Variants in LPAR4 observed in about 807,000 individuals in gnomAD.
The protein encoded by LPAR4 is lysophosphatidic acid receptor 4.
In LPAR4, 14 loss-of-function variants were observed where a neutral mutation model predicts 9.2. The observed-to-expected ratio is 1.51, with a 90% confidence interval of 1.00 to 2.37. LPAR4 has a LOEUF of 2.37. LPAR4 is among the 30% of genes most tolerant of loss of function. The probability of loss-of-function intolerance (pLI) is 0.00; values close to 1 mark genes in which losing one functional copy is unlikely to be tolerated. For missense variants in LPAR4, 251 were observed against 272.1 expected (o/e 0.92, Z 0.55); for synonymous variants, 131 against 97.9 (o/e 1.34, Z -1.99).
At chrX:78,748,922 T>A (rs1043228713) in intron 1 of LPAR4, 10 of 111,818 alleles carry the variant, frequency 8.9e-5, no homozygotes, top group Non-Finnish European at 1.7e-4. Context: ...CAACATCATA[T>A]CCCATCAACA....
At position 78,757,586 on chromosome X, in the gene LPAR4, A is replaced by T. The variant is rs1161416931; in HGVS notation, c.*1604A>T. Among the ~76,000 whole-genome samples, 1 of 111,843 alleles carries T rather than the reference A, an allele frequency of 8.9e-6. No homozygotes were observed. The highest frequency in any genetic ancestry group is 2.8e-4 in the East Asian group (1 of 3,608). ...CTTACTAGTTTTTAAACTAAAGTGGATATTTAAGAATATTAGAACTTGTAA... is the reference window on the plus strand; with the variant it reads ...CTTACTAGTTTTTAAACTAAAGTGGTTATTTAAGAATATTAGAACTTGTAA... On this transcript the variant is annotated 3_prime_UTR_variant, in exon 5 of 5. Transcript: ENST00000614823.
intron 1 of LPAR4, chrX:78,749,228 G>A (rs1183809509): frequency 8.9e-6 from 1 of 111,905 alleles, no homozygotes; most frequent in African/African-American, 3.2e-5. Context: ...TGCCCTTGCT[G>A]TGGTTTGTTC....
chrX:78,752,072 A>G (rs1925086672), intron 4 of LPAR4, among the ~76,000 whole-genome samples: 1 of 111,447 alleles, frequency 9.0e-6, no homozygotes, highest in South Asian at 3.8e-4. Flanking sequence ...GGCCCATATC[A>G]GTTTCCTGTT....
In LPAR4 at chrX:78,757,651, A is replaced by G. The variant is rs1390308869; in HGVS notation, c.*1669A>G. 8.9e-6 allele frequency among the ~76,000 whole-genome samples: 1 copy of G among 111,757 alleles called. No individual in the cohort carries two copies. Among genetic ancestry groups the G allele is most frequent in the Non-Finnish European group, 1.9e-5 (1 of 53,032 alleles). On this transcript the variant is annotated 3_prime_UTR_variant, in exon 5 of 5. Coordinates refer to ENST00000614823, the MANE Select transcript of LPAR4 (RefSeq NM_001278000.3). ...CTTGAAAGATGCTACATTTGTGCTC[A>G]AGTCAGGAGCAGTGGAAATAAACCC...
Position 78,754,850 on chromosome X carries a change from G to T in LPAR4, c.-20G>T, listed in dbSNP as rs768179032. 2.1e-5 allele frequency: 25 copies of T among 1,167,550 alleles called. No individual in the cohort carries two copies. Among genetic ancestry groups the T allele is most frequent in the Non-Finnish European group, 2.9e-5 (25 of 873,786 alleles). ...AGTGGTGAACCCCTGCAGCCAGCAG[G>T]CCTCCTGAAAAAAAAGTCCATGGGT... On this transcript the variant is annotated 5_prime_UTR_variant, in exon 5 of 5. Coordinates refer to ENST00000614823, the MANE Select transcript of LPAR4 (RefSeq NM_001278000.3).
chrX:78,755,788 G>T lies in LPAR4; in HGVS notation c.919G>T (p.Asp307Tyr), dbSNP rs1925268548. Residue 307 changes from aspartate (D) to tyrosine (Y), a missense_variant, in exon 5 of 5, where the codon GAC becomes TAC. By Grantham distance (160) the Asp-to-Tyr change is radical (BLOSUM62 -3). Coordinates refer to ENST00000614823, the MANE Select transcript of LPAR4 (RefSeq NM_001278000.3). ...LCLATLNCCF[D>Y]PFIYYFTLES... ...CCTTGCAACTCTGAACTGTTGTTTT[G>T]ACCCTTTCATCTATTACTTCACCCT... 1 of 1,206,729 alleles carries T rather than the reference G, an allele frequency of 8.3e-7. No homozygotes were observed. Among genetic ancestry groups the T allele is most frequent in the African/African-American group, 1.8e-5 (1 of 56,943 alleles).
intron 4 of LPAR4, among the ~76,000 whole-genome samples, chrX:78,753,832 C>T (rs1185711688): frequency 9.0e-6 from 1 of 111,702 alleles, no homozygotes; most frequent in Non-Finnish European, 1.9e-5. Flanking sequence ...TAAGTCCCAG[C>T]GCCACACCCT....
At chrX:78,751,697 A>G (rs754298217) in intron 4 of LPAR4, among the ~76,000 whole-genome samples, 1 of 111,291 alleles carries the variant, frequency 9.0e-6, no homozygotes, top group African/African-American at 3.3e-5. Context: ...GGTATATATG[A>G]CCCTTACAGA....
chrX:78,755,832 C>T lies in LPAR4; in HGVS notation c.963C>T (p.Ser321=). 8.3e-7 allele frequency: 1 copy of T among 1,210,757 alleles called. No individual in the cohort carries two copies. The highest frequency in any genetic ancestry group is 1.1e-6 in the Non-Finnish European group (1 of 894,670). The change falls in exon 5 of 5, where the codon TCC becomes TCT. Residue 321 remains serine (S), a synonymous_variant. Transcript: ENST00000614823. ...TCACCCTTGAATCCTTTCAGAAGTC[C>T]TTCTACATCAATGCCCACATCAGAA... ...YYFTLESFQK[S]FYINAHIRME...
rs753290599 is a variant in LPAR4 at position 78,755,008 on chromosome X, A to G, written c.139A>G (p.Ser47Gly). The change falls in exon 5 of 5, where the codon AGT becomes GGT. Residue 47 changes from serine to glycine, a missense_variant. By Grantham distance (56) the Ser-to-Gly change is moderately conservative. Transcript: ENST00000614823. ...GTATAATCTCAATGGTGCTGTCTAC[A>G]GTGTTGTATTCATCTTGGGTCTGAT... ...FKYNLNGAVY[S>G]VVFILGLITN... 51 of 1,208,749 alleles carry G rather than the reference A, an allele frequency of 4.2e-5. No individual in the cohort carries two copies. Among genetic ancestry groups the G allele is most frequent in the Admixed American group, 1.1e-4 (5 of 45,790 alleles).
At chrX:78,753,306 T>G (rs1330187977) in intron 4 of LPAR4, among the ~76,000 whole-genome samples, 1 of 112,325 alleles carries the variant, frequency 8.9e-6, no homozygotes, top group Non-Finnish European at 1.9e-5. Flanking sequence ...GAAATGCTGT[T>G]TCTTTTAGTC....
chrX:78,755,165 A>G lies in LPAR4; in HGVS notation c.296A>G (p.Asn99Ser). ...VCTLPFKIFYNFNRHWPFGDT... is the reference protein window; with the variant it reads ...VCTLPFKIFYSFNRHWPFGDT... Reference sequence around the variant, plus strand: ...ACACTACCTTTTAAAATATTTTACAACTTCAACCGCCACTGGCCTTTTGGT... The same window carrying G: ...ACACTACCTTTTAAAATATTTTACAGCTTCAACCGCCACTGGCCTTTTGGT... Residue 99 changes from asparagine (N) to serine (S), a missense_variant, in exon 5 of 5, where the codon AAC (asparagine) becomes AGC (serine). By Grantham distance (46) the Asn-to-Ser change is conservative. Coordinates refer to ENST00000614823, the MANE Select transcript of LPAR4 (RefSeq NM_001278000.3). The G allele has an allele frequency of 3.3e-6, 4 of 1,210,327 alleles. No homozygotes were observed. The highest frequency in any genetic ancestry group is 4.5e-6 in the Non-Finnish European group (4 of 894,560).
rs954161226 is a variant in LPAR4 at position 78,757,687 on chromosome X, A to G, written c.*1705A>G. ...AGTGGAAATAAACCCTCGTATACAC[A>G]CATACACAGCAGCAGCAACAACAAA... On this transcript the variant is annotated 3_prime_UTR_variant, in exon 5 of 5. Transcript: ENST00000614823. 9.0e-6 allele frequency among the ~76,000 whole-genome samples: 1 copy of G among 111,707 alleles called. No homozygotes were observed. Among genetic ancestry groups the G allele is most frequent in the Non-Finnish European group, 1.9e-5 (1 of 52,995 alleles).
Position 78,756,026 on chromosome X carries a change from T to A in LPAR4, c.*44T>A, listed in dbSNP as rs184854621. ...GGTCCAGATATGGTTTCTCCTATAA[T>A]TTTTCCTATGCTATAAACTAAAGAT... On this transcript the variant is annotated 3_prime_UTR_variant, in exon 5 of 5. Coordinates refer to ENST00000614823, the MANE Select transcript of LPAR4 (RefSeq NM_001278000.3). 1.0e-5 allele frequency: 11 copies of A among 1,051,036 alleles called. No homozygotes were observed. Among genetic ancestry groups the A allele is most frequent in the East Asian group, 3.0e-5 (1 of 32,996 alleles). The allele number at this position is 1,051,036 out of a possible 1,213,427, so 86.6% of individuals were successfully genotyped here.
In LPAR4 at chrX:78,757,530, A is replaced by C. The variant is rs1925358195; in HGVS notation, c.*1548A>C. On this transcript the variant is annotated 3_prime_UTR_variant, in exon 5 of 5. Transcript: ENST00000614823. ...CAAAAAAAGAGAAAATTTTTTTATA[A>C]TTTACTTAAACCGCAAAAATCTTTA... 8.9e-6 allele frequency among the ~76,000 whole-genome samples: 1 copy of C among 111,985 alleles called. No homozygotes were observed. Among genetic ancestry groups the C allele is most frequent in the African/African-American group, 3.2e-5 (1 of 30,973 alleles).
At position 78,755,281 on chromosome X, in the gene LPAR4, C is replaced by T; in HGVS notation, c.412C>T (p.Leu138=). Residue 138 remains leucine (L), a synonymous_variant, in exon 5 of 5, where the codon CTG becomes TTG. Coordinates refer to ENST00000614823, the MANE Select transcript of LPAR4 (RefSeq NM_001278000.3). The part of the protein sequence containing the change: ...FLTCISVDRF[L]AIVYPFRSRT... ...CACCTGTATTAGTGTGGATCGTTTCCTGGCCATTGTCTATCCTTTTCGATC... is the reference window on the plus strand; with the variant it reads ...CACCTGTATTAGTGTGGATCGTTTCTTGGCCATTGTCTATCCTTTTCGATC... 1.7e-6 allele frequency: 2 copies of T among 1,209,319 alleles called. No homozygotes were observed. Among genetic ancestry groups the T allele is most frequent in the Non-Finnish European group, 2.2e-6 (2 of 894,226 alleles).
At position 78,757,331 on chromosome X, in the gene LPAR4, G is replaced by A. The variant is rs961424137; in HGVS notation, c.*1349G>A. 2.7e-5 allele frequency among the ~76,000 whole-genome samples: 3 copies of A among 111,097 alleles called. No individual in the cohort carries two copies. Among genetic ancestry groups the A allele is most frequent in the Non-Finnish European group, 5.7e-5 (3 of 52,809 alleles). ...AAAAAAAGGTCAAAAATCAAACTGCGATAAAACAAACAAAACAAGCACAAA... is the reference window on the plus strand; with the variant it reads ...AAAAAAAGGTCAAAAATCAAACTGCAATAAAACAAACAAAACAAGCACAAA... On this transcript the variant is annotated 3_prime_UTR_variant, in exon 5 of 5. Transcript: ENST00000614823.
At position 78,755,997 on chromosome X, in the gene LPAR4, T is replaced by C; in HGVS notation, c.*15T>C. ...CCACCTTTTAGGTATGAGAAATGTG[T>C]TCAGGTCCAGATATGGTTTCTCCTA... is the stretch of plus-strand genomic sequence containing the variant. On this transcript the variant is annotated 3_prime_UTR_variant, in exon 5 of 5. Transcript: ENST00000614823. The C allele has an allele frequency of 8.5e-7, 1 of 1,174,770 alleles. No individual in the cohort carries two copies. The highest frequency in any genetic ancestry group is 1.8e-5 in the African/African-American group (1 of 56,847).
chrX:78,750,831 T>A (rs988599720), intron 3 of LPAR4, 39 bp downstream of exon 3: 4 of 111,272 alleles, frequency 3.6e-5, no homozygotes, highest in Non-Finnish European at 7.6e-5. Flanking sequence ...TTTGTTTTGG[T>A]ATTTTTAATG....
Sources: allele counts gnomAD v4.1 joint callset (sites outside exome capture counted in the v4.1 genomes callset), GRCh38; gene constraint gnomAD v4.1.1; transcripts MANE v1.5; gene names NCBI Gene and HGNC (gene_info 2026-07-23, HGNC 2026-07-21).